Variants in TFAP2D observed in about 807,000 individuals in gnomAD.
TFAP2D encodes the protein transcription factor AP-2 delta.
In TFAP2D, 9 loss-of-function variants were observed where a neutral mutation model predicts 43.6. The observed-to-expected ratio is 0.21, with a 90% confidence interval of 0.12 to 0.36. The LOEUF is 0.36. Ranked by LOEUF, TFAP2D falls within the 10% of genes least tolerant of loss-of-function variation. The pLI, the probability that TFAP2D is intolerant of heterozygous loss-of-function variation, is 1.00. For synonymous variants in TFAP2D, 256 were observed against 224.9 expected (o/e 1.14, Z -1.24); for missense variants, 513 against 561.4 (o/e 0.91, Z 0.87).
At position 50,751,317 on chromosome 6, in the gene TFAP2D, C is replaced by T; in HGVS notation, c.1132C>T (p.His378Tyr). 6.2e-7 allele frequency: 1 copy of T among 1,607,814 alleles called. No homozygotes were observed. The highest frequency in any genetic ancestry group is 1.7e-4 in the Middle Eastern group (1 of 6,036). ...CCTTGACATCCAGAGACATTTAACA[C>T]ATTTCAGGTAAGACTGGTTTTCCAG... ...LDLDIQRHLTHFSLITHGFGT... is the reference protein window; with the variant it reads ...LDLDIQRHLTYFSLITHGFGT... The change falls in exon 7 of 8, where the codon CAT becomes TAT. Residue 378 changes from histidine to tyrosine, a missense_variant. Coordinates refer to ENST00000008391, the MANE Select transcript of TFAP2D (RefSeq NM_172238.4).
rs532149183 is a variant in TFAP2D, at chr6:50,762,928, C to G, written c.1140-9717C>G. Among the ~76,000 whole-genome samples the G allele has an allele frequency of 1.6e-4, 25 of 151,988 alleles. 1 individual carries two copies. The highest frequency in any genetic ancestry group is 1.6e-3 in the Admixed American group (25 of 15,236). On this transcript the variant is annotated intron_variant, in intron 7 of 7. Coordinates refer to ENST00000008391, the MANE Select transcript of TFAP2D (RefSeq NM_172238.4). ...CCAAGGTAGATGCAGTCTCTAAGTC[C>G]GCCTAGCTATGCTCCAAACCTCAAA...
At chr6:50,733,750 A>G (rs968761197) in intron 5 of TFAP2D, among the ~76,000 whole-genome samples, 19 of 152,026 alleles carry the variant, frequency 1.2e-4, no homozygotes, top group African/African-American at 3.9e-4. Flanking sequence ...CTTCTTATCT[A>G]GGAAGTTCCA....
intron 7 of TFAP2D, among the ~76,000 whole-genome samples, chr6:50,753,563 G>A (rs1209843928): frequency 6.6e-6 from 1 of 151,768 alleles, no homozygotes; most frequent in East Asian, 1.9e-4. Context: ...GTTACTCAGA[G>A]TGCAGCTAAA....
chr6:50,738,149 A>G (rs1332651436), intron 5 of TFAP2D, among the ~76,000 whole-genome samples: 1 of 152,084 alleles, frequency 6.6e-6, no homozygotes. Context: ...TCTATTATGA[A>G]GGAGATTCAG....
At chr6:50,755,751 C>T (rs761645385) in intron 7 of TFAP2D, among the ~76,000 whole-genome samples, 1 of 151,938 alleles carries the variant, frequency 6.6e-6, no homozygotes, top group Non-Finnish European at 1.5e-5. Context: ...ACTTCAAGAC[C>T]AGGCTGTGCA....
intron 5 of TFAP2D, among the ~76,000 whole-genome samples, chr6:50,736,823 C>T (rs1768969184): frequency 1.3e-5 from 2 of 152,154 alleles, no homozygotes; most frequent in Non-Finnish European, 2.9e-5. Context: ...TCCCTTGCCA[C>T]CTTTGATCTA....
At chr6:50,768,662 G>T (rs1327042301) in intron 7 of TFAP2D, among the ~76,000 whole-genome samples, 1 of 151,734 alleles carries the variant, frequency 6.6e-6, no homozygotes, top group East Asian at 1.9e-4. Flanking sequence ...AATTATTTGG[G>T]GTTCATAAAT....
At chr6:50,759,466 G>A (rs867575089) in intron 7 of TFAP2D, among the ~76,000 whole-genome samples, 20 of 152,092 alleles carry the variant, frequency 1.3e-4, no homozygotes, top group South Asian at 4.1e-4. Context: ...CATTACTTAT[G>A]CTGAGTTTCT....
chr6:50,756,357 A>G (rs1769265480), intron 7 of TFAP2D, among the ~76,000 whole-genome samples: 3 of 151,946 alleles, frequency 2.0e-5, no homozygotes, highest in Admixed American at 6.6e-5. Flanking sequence ...GAGTGTAATT[A>G]GATAGGCATA....
At position 50,741,699 on chromosome 6, in the gene TFAP2D, T is replaced by TAA. The variant is rs140519366; in HGVS notation, c.884-3399_884-3398dup. Among the ~76,000 whole-genome samples, 362 of 139,954 alleles carry TAA rather than the reference T, an allele frequency of 2.6e-3. 2 individuals carry two copies. The highest frequency in any genetic ancestry group is 9.2e-3 in the African/African-American group (353 of 38,222). 91.8% of individuals were successfully genotyped at this position (139,954 alleles called of 152,430 possible). ...GTGTGTTGCTTCAGTTGTATTAAAT[T>TAA]AAAAAAAAAAGGTGCATGGCCAAGT... is the stretch of plus-strand genomic sequence containing the variant. On this transcript the variant is annotated intron_variant, in intron 5 of 7. Coordinates refer to ENST00000008391, the MANE Select transcript of TFAP2D (RefSeq NM_172238.4).
rs1425078179 is a variant in TFAP2D, at chr6:50,772,723, G to A, written c.1218G>A (p.Leu406=). 6.2e-7 allele frequency: 1 copy of A among 1,614,082 alleles called. No individual in the cohort carries two copies. The change falls in exon 8 of 8, where the codon CTG becomes CTA. Residue 406 remains leucine, a synonymous_variant. Coordinates refer to ENST00000008391, the MANE Select transcript of TFAP2D (RefSeq NM_172238.4). ...TCCAAACAGTTCTCAGTGAAATGCT[G>A]AACTACTTGGAAAAACACACTACTC... ...STFQTVLSEM[L]NYLEKHTTHK...
intron 5 of TFAP2D, among the ~76,000 whole-genome samples, chr6:50,730,060 G>C (rs904001575): frequency 6.6e-6 from 1 of 152,000 alleles, no homozygotes; most frequent in Non-Finnish European, 1.5e-5. Context: ...TTTTCATCAT[G>C]TGGAATGCTA....
At chr6:50,728,790 A>G in intron 3 of TFAP2D, 66 bp from the exon 4 acceptor site, 1 of 1,520,238 alleles carries the variant, frequency 6.6e-7, no homozygotes, top group African/African-American at 1.4e-5. Context: ...TTTGATGTTA[A>G]CTGCCTCTCA....
chr6:50,718,951 G>T (rs1768670899), intron 2 of TFAP2D, 139 bp from the exon 3 acceptor site: 2 of 770,352 alleles, frequency 2.6e-6, no homozygotes, highest in Non-Finnish European at 4.1e-6. Context: ...TTGCTGGCAA[G>T]CTTGCTTCAG....
chr6:50,725,474 T>A (rs947997064), intron 3 of TFAP2D, among the ~76,000 whole-genome samples: 1 of 152,240 alleles, frequency 6.6e-6, no homozygotes, highest in Non-Finnish European at 1.5e-5. Flanking sequence ...GGATGAACTC[T>A]GGAGAAGTTC....
chr6:50,770,380 G>T (rs142177997), intron 7 of TFAP2D, among the ~76,000 whole-genome samples: 1 of 152,096 alleles, frequency 6.6e-6, no homozygotes, highest in Non-Finnish European at 1.5e-5. Flanking sequence ...CCAAGCATTG[G>T]CCATTGTTGT....
chr6:50,742,532 A>G (rs1180914413), intron 5 of TFAP2D, among the ~76,000 whole-genome samples: 1 of 151,686 alleles, frequency 6.6e-6, no homozygotes, highest in Non-Finnish European at 1.5e-5. Flanking sequence ...GATTGGATGG[A>G]TGGATGGATG....
intron 3 of TFAP2D, among the ~76,000 whole-genome samples, chr6:50,721,378 C>T (rs1301026302): frequency 6.6e-6 from 1 of 152,150 alleles, no homozygotes; most frequent in African/African-American, 2.4e-5. Flanking sequence ...GGCCAGTTAA[C>T]CTAGTTGAGC....
At chr6:50,738,559 A>T (rs989251967) in intron 5 of TFAP2D, among the ~76,000 whole-genome samples, 5 of 152,058 alleles carry the variant, frequency 3.3e-5, no homozygotes, top group Admixed American at 3.3e-4. Context: ...CTTTTGTTTC[A>T]TGGCCAAATG....
Sources: gnomAD v4.1 joint callset for allele counts (sites outside exome capture counted in the v4.1 genomes callset) on GRCh38, gnomAD v4.1.1 for gene constraint, MANE v1.5 for transcripts, NCBI Gene and HGNC (gene_info 2026-07-23, HGNC 2026-07-21) for gene names.